The following ERBB4 variants were observed in gnomAD, a reference collection of about 807,000 sequenced individuals.
ERBB4 encodes the protein erb-b2 receptor tyrosine kinase 4, also known as receptor tyrosine-protein kinase erbB-4.
Under a neutral mutation model 158.0 loss-of-function variants are expected in ERBB4, and 42 were observed. That is an observed-to-expected ratio of 0.27 (90% CI 0.21 to 0.34). The LOEUF is 0.34. Among genes scored for constraint, ERBB4 ranks in the 10% least tolerant of loss-of-function variants. ERBB4 has a pLI of 1.00. For synonymous variants in ERBB4, 583 were observed against 558.7 expected (o/e 1.04, Z -0.61); for missense variants, 1,333 against 1,624.1 (o/e 0.82, Z 3.08).
chr2:212,255,973 A>G (rs2084715762), intron 1 of ERBB4, among the ~76,000 whole-genome samples: 1 of 145,988 alleles, frequency 6.8e-6, no homozygotes, highest in African/African-American at 2.5e-5. Context: ...GAAGCATGCC[A>G]CCATTCCTGG....
intron 20 of ERBB4, among the ~76,000 whole-genome samples, chr2:211,469,867 T>A (rs1392386470): frequency 6.6e-6 from 1 of 152,070 alleles, no homozygotes; most frequent in Non-Finnish European, 1.5e-5. Context: ...GCTCAAAGCC[T>A]CCCAGTGGGC....
intron 4 of ERBB4, among the ~76,000 whole-genome samples, chr2:211,787,071 A>G (rs1361031785): frequency 1.3e-5 from 2 of 152,240 alleles, no homozygotes; most frequent in Non-Finnish European, 2.9e-5. Context: ...TATTAGGGCC[A>G]TGATGAAATT....
intron 19 of ERBB4, among the ~76,000 whole-genome samples, chr2:211,586,897 A>C (rs2068297078): frequency 6.6e-6 from 1 of 152,146 alleles, no homozygotes; most frequent in Non-Finnish European, 1.5e-5. Flanking sequence ...TTCTGGATTA[A>C]ATGATGTCTC....
At chr2:211,488,117 A>C (rs1011018554) in intron 20 of ERBB4, among the ~76,000 whole-genome samples, 6 of 151,930 alleles carry the variant, frequency 3.9e-5, no homozygotes, top group Non-Finnish European at 8.8e-5. Flanking sequence ...TTTATACTTC[A>C]TGCAGTTCAA....
chr2:211,517,155 T>C (rs932911361), intron 20 of ERBB4, among the ~76,000 whole-genome samples: 3 of 152,122 alleles, frequency 2.0e-5, no homozygotes, highest in Non-Finnish European at 4.4e-5. Context: ...AAGCTTATGG[T>C]ACTGGGAATT....
intron 1 of ERBB4, among the ~76,000 whole-genome samples, chr2:212,229,592 A>G (rs1387870941): frequency 6.6e-6 from 1 of 152,170 alleles, no homozygotes; most frequent in Non-Finnish European, 1.5e-5. Context: ...GGTGTGTCAT[A>G]GTCAGGTTCA....
At chr2:212,114,333 T>C (rs2079510205) in intron 2 of ERBB4, among the ~76,000 whole-genome samples, 1 of 152,106 alleles carries the variant, frequency 6.6e-6, no homozygotes, top group South Asian at 2.1e-4. Context: ...CATATGTTCA[T>C]GGGGGAGAAA....
intron 1 of ERBB4, among the ~76,000 whole-genome samples, chr2:212,330,788 G>GT (rs2088102615): frequency 6.6e-6 from 1 of 151,424 alleles, no homozygotes; most frequent in Non-Finnish European, 1.5e-5. Flanking sequence ...CAAACCTTAT[G>GT]TTTTAGACAT....
chr2:211,498,706 C>A lies in ERBB4; in HGVS notation c.2487+63197G>T, dbSNP rs145558723. On this transcript the variant is annotated intron_variant, in intron 20 of 27. Transcript: ENST00000342788. ...CTCAGCAGGAAACTAAAAACGGGGT[C>A]ATTCCTACAATAATCCTTTTCATTC... is the stretch of plus-strand genomic sequence containing the variant. Among the ~76,000 whole-genome samples the A allele has an allele frequency of 3.4e-3, 516 of 152,242 alleles. 5 individuals carry two copies. Among genetic ancestry groups the A allele is most frequent in the African/African-American group, 0.012 (483 of 41,578 alleles).
intron 3 of ERBB4, among the ~76,000 whole-genome samples, chr2:211,930,265 A>G (rs2080137655): frequency 1.3e-5 from 2 of 152,194 alleles, no homozygotes; most frequent in Admixed American, 1.3e-4. Flanking sequence ...TTTGCTTTCT[A>G]TTAGAAAATC....
chr2:212,190,097 TA>T (rs1028975552), intron 1 of ERBB4, among the ~76,000 whole-genome samples: 4 of 152,174 alleles, frequency 2.6e-5, no homozygotes, highest in Admixed American at 2.6e-4. Context: ...TAGTCATTGA[TA>T]GTTATTACAT....
At chr2:212,109,853 G>A (rs1044453194) in intron 2 of ERBB4, among the ~76,000 whole-genome samples, 3 of 152,186 alleles carry the variant, frequency 2.0e-5, no homozygotes, top group Non-Finnish European at 4.4e-5. Flanking sequence ...TGTAAGCCAT[G>A]AGGATAGCAT....
intron 5 of ERBB4, among the ~76,000 whole-genome samples, chr2:211,726,453 G>A (rs2074272628): frequency 6.6e-6 from 1 of 152,100 alleles, no homozygotes; most frequent in Non-Finnish European, 1.5e-5. Context: ...ACCCACTACT[G>A]AGTGTATTTC....
intron 2 of ERBB4, among the ~76,000 whole-genome samples, chr2:211,983,225 G>GGAGGCA (rs1214397233): frequency 1.3e-5 from 2 of 152,266 alleles, no homozygotes; most frequent in South Asian, 2.1e-4. Context: ...TGGCATGGAT[G>GGAGGCA]GAGGCAGAGG....
At chr2:211,844,469 C>T (rs2077546502) in intron 3 of ERBB4, among the ~76,000 whole-genome samples, 1 of 152,098 alleles carries the variant, frequency 6.6e-6, no homozygotes, top group South Asian at 2.1e-4. Context: ...ATATCTGACC[C>T]ATGTCTCTTG....
intron 1 of ERBB4, among the ~76,000 whole-genome samples, chr2:212,404,588 C>A (rs1374651854): frequency 6.6e-6 from 1 of 151,992 alleles, no homozygotes; most frequent in African/African-American, 2.4e-5. Context: ...TAGAGGATGA[C>A]AAGTAAAAGA....
chr2:212,044,241 T>G (rs2077205730), intron 2 of ERBB4, among the ~76,000 whole-genome samples: 1 of 152,096 alleles, frequency 6.6e-6, no homozygotes, highest in South Asian at 2.1e-4. Flanking sequence ...AATATAGACA[T>G]AAAATTTCAA....
chr2:211,679,654 G>A (rs1285429512), intron 12 of ERBB4, among the ~76,000 whole-genome samples: 1 of 145,836 alleles, frequency 6.9e-6, no homozygotes, highest in East Asian at 2.0e-4. Flanking sequence ...GTAAGAAGGG[G>A]AGAAAGGAAT....
chr2:212,482,487 C>A (rs1404783531), intron 1 of ERBB4, among the ~76,000 whole-genome samples: 1 of 152,120 alleles, frequency 6.6e-6, no homozygotes, highest in Non-Finnish European at 1.5e-5. Context: ...TATTATTTTA[C>A]AAATGAAAAC....
Sources: allele counts gnomAD v4.1 joint callset (sites outside exome capture counted in the v4.1 genomes callset), GRCh38; gene constraint gnomAD v4.1.1; transcripts MANE v1.5; gene names NCBI Gene and HGNC (gene_info 2026-07-23, HGNC 2026-07-21).